LRRC42: variants seen among roughly 807,000 people sequenced by gnomAD.
LRRC42 encodes leucine rich repeat containing 42.
Under a neutral mutation model 44.3 loss-of-function variants are expected in LRRC42, and 43 were observed. That is an observed-to-expected ratio of 0.97 (90% confidence interval 0.76 to 1.25). The LOEUF is 1.25. LRRC42 is among the 50% of genes most tolerant of loss of function. The pLI is 0.00. For synonymous variants in LRRC42, 207 were observed against 195.2 expected (o/e 1.06, Z -0.50); for missense variants, 540 against 509.1 (o/e 1.06, Z -0.58).
At chr1:53,961,105 A>C (rs1347804348) in intron 5 of LRRC42, among the ~76,000 whole-genome samples, 1 of 152,210 alleles carries the variant, frequency 6.6e-6, no homozygotes, top group East Asian at 1.9e-4. Context: ...CCTTTGTAAA[A>C]TGAGGATAAT....
chr1:53,952,502 T>G, intron 3 of LRRC42, 30 bp downstream of exon 3: 1 of 1,540,858 alleles, frequency 6.5e-7, no homozygotes, highest in Non-Finnish European at 8.8e-7. Context: ...TATTCGGTAT[T>G]TTATTGGGTG....
At chr1:53,949,552 C>G (rs1339065102) in intron 2 of LRRC42, among the ~76,000 whole-genome samples, 1 of 152,218 alleles carries the variant, frequency 6.6e-6, no homozygotes, top group Non-Finnish European at 1.5e-5. Flanking sequence ...CAAAGGACAT[C>G]TGCCGTAATT....
intron 7 of LRRC42, among the ~76,000 whole-genome samples, chr1:53,965,742 TG>T (rs1655114673): frequency 6.6e-6 from 1 of 152,186 alleles, no homozygotes; most frequent in East Asian, 1.9e-4. Flanking sequence ...CCCAAAATGC[TG>T]GGATTATAGG....
Position 53,952,093 on chromosome 1 carries a change from G to T in LRRC42, c.94G>T (p.Asp32Tyr), listed in dbSNP as rs1195809395. 2.5e-6 allele frequency: 4 copies of T among 1,614,238 alleles called. No homozygotes were observed. Among genetic ancestry groups the T allele is most frequent in the African/African-American group, 1.3e-5 (1 of 75,058 alleles). ...GCTGCACATGGTCAATCTGGCTCTG[G>T]ATGGTGTCAGGAGTAGCCTGCAGAA... Reference protein sequence around the residue: ...GQLHMVNLALDGVRSSLQKPR... With the variant: ...GQLHMVNLALYGVRSSLQKPR... Residue 32 changes from aspartate to tyrosine, a missense_variant, in exon 3 of 9, where the codon GAT (aspartate) becomes TAT (tyrosine). Physicochemically the swap from Asp to Tyr is radical, Grantham distance 160 (BLOSUM62 -3). Transcript: ENST00000371370.
At position 53,968,130 on chromosome 1, in the gene LRRC42, A is replaced by G. The variant is rs1557650970; in HGVS notation, c.*191A>G. ...AATTTCTAATGTATATTTTCAATAC[A>G]TAGTAATTTTTTCAAATAAACATTT... On this transcript the variant is annotated 3_prime_UTR_variant, in exon 9 of 9. Coordinates refer to ENST00000371370, the MANE Select transcript of LRRC42 (RefSeq NM_001256409.2). 3 of 584,442 alleles carry G rather than the reference A, an allele frequency of 5.1e-6. No individual in the cohort carries two copies. The highest frequency in any genetic ancestry group is 4.9e-5 in the South Asian group (2 of 40,930). 36.2% of individuals were successfully genotyped at this position (584,442 alleles called of 1,614,324 possible). A position where few individuals can be genotyped will look rare whatever the true frequency, so the allele number is the denominator to read the frequency against.
chr1:53,948,925 C>T (rs1654598062), intron 2 of LRRC42, among the ~76,000 whole-genome samples: 1 of 152,198 alleles, frequency 6.6e-6, no homozygotes, highest in Non-Finnish European at 1.5e-5. Context: ...GCAGGATGTG[C>T]TGATTTAGTA....
At chr1:53,958,100 C>T (rs771374010) in intron 3 of LRRC42, 49 bp from the exon 4 acceptor site, 1 of 1,607,680 alleles carries the variant, frequency 6.2e-7, no homozygotes, top group Non-Finnish European at 8.5e-7. Context: ...AATGGTAATG[C>T]TTTAAGAGTA....
intron 8 of LRRC42, 28 bp downstream of exon 8, chr1:53,966,408 T>C: frequency 6.4e-7 from 1 of 1,565,434 alleles, no homozygotes; most frequent in Non-Finnish European, 8.8e-7. Context: ...CTTTGAAGTT[T>C]TTTGCCCTTT....
At chr1:53,965,990 G>GT (rs1655120097) in intron 7 of LRRC42, among the ~76,000 whole-genome samples, 1 of 152,272 alleles carries the variant, frequency 6.6e-6, no homozygotes, top group African/African-American at 2.4e-5. Context: ...TTAGTATTTA[G>GT]TTTAAGGATA....
At chr1:53,957,452 T>C (rs1654871334) in intron 3 of LRRC42, among the ~76,000 whole-genome samples, 1 of 152,214 alleles carries the variant, frequency 6.6e-6, no homozygotes, top group Non-Finnish European at 1.5e-5. Context: ...TGTTTTGATC[T>C]CCTTTCCCTC....
intron 8 of LRRC42, among the ~76,000 whole-genome samples, chr1:53,966,934 G>A (rs1312891301): frequency 6.6e-6 from 1 of 152,024 alleles, no homozygotes; most frequent in Admixed American, 6.6e-5. Flanking sequence ...GGAGGCGGGG[G>A]TGGCACGGGC....
intron 3 of LRRC42, among the ~76,000 whole-genome samples, chr1:53,956,967 C>T (rs1053439402): frequency 6.6e-6 from 1 of 152,186 alleles, no homozygotes; most frequent in African/African-American, 2.4e-5. Context: ...AAATAAGGCT[C>T]TTTTGTGTAC....
chr1:53,946,585 C>T (rs891976151), intron 1 of LRRC42, 36 bp downstream of exon 1: 1 of 151,090 alleles, frequency 6.6e-6, no homozygotes, highest in Admixed American at 6.6e-5. Context: ...GCTCGCGGGG[C>T]CCCGGGTTGC....
chr1:53,967,526 G>T, intron 8 of LRRC42, 139 bp from the exon 9 acceptor site: 1 of 779,968 alleles, frequency 1.3e-6, no homozygotes, highest in Non-Finnish European at 2.1e-6. Context: ...CGACCTCACA[G>T]GGCACTCAAG....
Position 53,967,788 on chromosome 1 carries a change from AAC to A in LRRC42, c.1139_1140del (p.His380ArgfsTer17). On this transcript the variant is annotated frameshift_variant, in exon 9 of 9. Coordinates refer to ENST00000371370, the MANE Select transcript of LRRC42 (RefSeq NM_001256409.2). LOFTEE classifies it high-confidence loss of function. ...CCAGATTGCCATGGGCCAGTGTTGA[AAC>A]ACGAAGCTATCTCAAGCCAGGAGTC... 1 of 1,614,230 alleles carries A rather than the reference AAC, an allele frequency of 6.2e-7. No individual in the cohort carries two copies. Among genetic ancestry groups the A allele is most frequent in the Non-Finnish European group, 8.5e-7 (1 of 1,180,038 alleles).
intron 3 of LRRC42, among the ~76,000 whole-genome samples, chr1:53,954,094 T>C (rs967529719): frequency 6.6e-6 from 1 of 152,262 alleles, no homozygotes; most frequent in South Asian, 2.1e-4. Context: ...GAACAAAAAA[T>C]GTATATAAGA....
intron 2 of LRRC42, among the ~76,000 whole-genome samples, chr1:53,948,714 AC>A (rs553144438): frequency 8.4e-4 from 128 of 152,328 alleles, no homozygotes; most frequent in African/African-American, 3.0e-3. Context: ...ATGGTTTAGA[AC>A]AGGCCCTGTC....
At chr1:53,960,152 A>C (rs949183734) in intron 4 of LRRC42, among the ~76,000 whole-genome samples, 1 of 152,168 alleles carries the variant, frequency 6.6e-6, no homozygotes, top group East Asian at 1.9e-4. Flanking sequence ...CTCCAGCCTC[A>C]GTCTTCCAAA....
Position 53,949,022 on chromosome 1 carries a change from G to GA in LRRC42, c.-15+1207dup, listed in dbSNP as rs1205663092. Among the ~76,000 whole-genome samples the GA allele has an allele frequency of 3.9e-5, 6 of 152,014 alleles. No individual in the cohort carries two copies. The East Asian group carries it at 9.6e-4, about 24-fold the overall frequency. ...CAAATGATGTGGGTTTACTCTCCAGGAAAAAATTGTATTTATTTTTTCCTC... is the reference window on the plus strand; with the variant it reads ...CAAATGATGTGGGTTTACTCTCCAGGAAAAAAATTGTATTTATTTTTTCCTC... On this transcript the variant is annotated intron_variant, in intron 2 of 8. Transcript: ENST00000371370.
Sources: allele counts gnomAD v4.1 joint callset (sites outside exome capture counted in the v4.1 genomes callset), GRCh38; gene constraint gnomAD v4.1.1; transcripts MANE v1.5; gene names NCBI Gene and HGNC (gene_info 2026-07-23, HGNC 2026-07-21).